U2SURP: variants seen among roughly 807,000 people sequenced by gnomAD.
U2SURP encodes U2 snRNP associated SURP domain containing, also known as U2 snRNP-associated SURP motif-containing protein.
In U2SURP, 9 loss-of-function variants were observed where a neutral mutation model predicts 144.9. That is an observed-to-expected ratio of 0.06 (90% confidence interval 0.04 to 0.11). The LOEUF is 0.11. Among genes scored for constraint, U2SURP ranks in the 10% least tolerant of loss-of-function variants. The pLI is 1.00. For missense variants in U2SURP, 724 were observed against 1,226.7 expected (o/e 0.59, Z 6.12); for synonymous variants, 408 against 396.8 (o/e 1.03, Z -0.33).
intron 24 of U2SURP, among the ~76,000 whole-genome samples, chr3:143,047,810 T>A (rs2108313400): frequency 1.1e-5 from 1 of 92,742 alleles, no homozygotes; most frequent in Non-Finnish European, 2.2e-5. Context: ...GGCTCCTCAC[T>A]TCCCAGTAGG....
At chr3:143,010,750 C>T (rs371991632) in intron 1 of U2SURP, 65 bp from the exon 2 acceptor site, 5 of 1,285,088 alleles carry the variant, frequency 3.9e-6, no homozygotes, top group Non-Finnish European at 5.4e-6. Flanking sequence ...TTGTATAACA[C>T]GAGAGACATG....
intron 2 of U2SURP, 90 bp downstream of exon 2, chr3:143,010,949 A>G (rs1578114460): frequency 2.1e-6 from 2 of 972,100 alleles, no homozygotes; most frequent in East Asian, 2.6e-5. Context: ...TACTTGACAA[A>G]TAAATACAAT....
chr3:143,007,433 C>G (rs745424362), intron 1 of U2SURP, among the ~76,000 whole-genome samples: 4 of 145,096 alleles, frequency 2.8e-5, no homozygotes, highest in African/African-American at 5.2e-5. Context: ...GCTTTTGGGT[C>G]CTTTCAAGAG....
chr3:143,003,106 G>T (rs1331206248), intron 1 of U2SURP, among the ~76,000 whole-genome samples: 1 of 152,156 alleles, frequency 6.6e-6, no homozygotes, highest in Non-Finnish European at 1.5e-5. Flanking sequence ...TGGATACATT[G>T]AAAACATTTC....
At position 143,059,717 on chromosome 3, in the gene U2SURP, G is replaced by T. The variant is rs1935299204; in HGVS notation, c.*3267G>T. The T allele has an allele frequency of 6.6e-6, 1 of 151,656 alleles. No homozygotes were observed. The highest frequency in any genetic ancestry group is 2.4e-5 in the African/African-American group (1 of 41,354). 9.4% of individuals were successfully genotyped at this position (151,656 alleles called of 1,614,324 possible). On this transcript the variant is annotated 3_prime_UTR_variant, in exon 28 of 28. Coordinates refer to ENST00000473835, the MANE Select transcript of U2SURP (RefSeq NM_001080415.2). ...TAAGACTGTACAGTTTACAAATAAG[G>T]TTTTTTTCTTTGTTGTTTTCCTCTT...
chr3:143,053,889 G>C (rs1935014393), intron 26 of U2SURP, 95 bp downstream of exon 26: 2 of 1,074,032 alleles, frequency 1.9e-6, no homozygotes, highest in South Asian at 4.1e-5. Context: ...CAAACTGGAA[G>C]TGTTTGTTCA....
At chr3:143,006,313 A>G (rs1436606910) in intron 1 of U2SURP, among the ~76,000 whole-genome samples, 2 of 152,216 alleles carry the variant, frequency 1.3e-5, no homozygotes, top group Non-Finnish European at 2.9e-5. Flanking sequence ...GCTGTTGTTA[A>G]TGAGTGGACA....
chr3:143,009,376 T>C (rs1936003908), intron 1 of U2SURP, among the ~76,000 whole-genome samples: 1 of 151,908 alleles, frequency 6.6e-6, no homozygotes, highest in African/African-American at 2.4e-5. Context: ...GGTGGACAGA[T>C]CACCTGAGGT....
At chr3:143,050,226 A>T (rs868350708) in intron 24 of U2SURP, among the ~76,000 whole-genome samples, 29 of 152,094 alleles carry the variant, frequency 1.9e-4, no homozygotes, top group Admixed American at 4.6e-4. Flanking sequence ...GGCATGTGCC[A>T]CCATGCCTGG....
intron 23 of U2SURP, among the ~76,000 whole-genome samples, chr3:143,040,689 C>A (rs1309021934): frequency 2.0e-5 from 3 of 151,644 alleles, no homozygotes; most frequent in African/African-American, 4.8e-5. Flanking sequence ...AAGATTTGAA[C>A]CTCGAATTGT....
intron 16 of U2SURP, among the ~76,000 whole-genome samples, chr3:143,029,979 A>G (rs939314258): frequency 3.3e-5 from 5 of 152,224 alleles, no homozygotes; most frequent in African/African-American, 1.2e-4. Context: ...ACAGGTGAGG[A>G]TGCTCCAGAA....
In U2SURP at chr3:143,032,892, A is replaced by T; in HGVS notation, c.1719A>T (p.Ile573=). 6.2e-7 allele frequency: 1 copy of T among 1,613,770 alleles called. No homozygotes were observed. The highest frequency in any genetic ancestry group is 8.5e-7 in the Non-Finnish European group (1 of 1,179,774). The change falls in exon 17 of 28, where the codon ATA becomes ATT. Residue 573 remains isoleucine (I), a synonymous_variant. Coordinates refer to ENST00000473835, the MANE Select transcript of U2SURP (RefSeq NM_001080415.2). ...CLNNAEAAEE[I]VDCITESLSI... ...ATAATGCTGAAGCTGCTGAAGAAAT[A>T]GTGGATTGCATTACTGAGTCGTTGT...
chr3:143,050,738 G>T lies in U2SURP; in HGVS notation c.2545-201G>T, dbSNP rs190678480. Among the ~76,000 whole-genome samples the T allele has an allele frequency of 1.5e-3, 232 of 152,248 alleles. 2 individuals carry two copies. Among genetic ancestry groups the T allele is most frequent in the South Asian group, 8.5e-3 (41 of 4,824 alleles). On this transcript the variant is annotated intron_variant, in intron 24 of 27. Coordinates refer to ENST00000473835, the MANE Select transcript of U2SURP (RefSeq NM_001080415.2). ...ATGAAGCACGGTTCACGGTTTTTGA[G>T]TCCTCTCATGACCAGAGAGGGTTCC...
chr3:143,049,213 C>A (rs1463654863), intron 24 of U2SURP, among the ~76,000 whole-genome samples: 1 of 142,602 alleles, frequency 7.0e-6, no homozygotes, highest in African/African-American at 2.6e-5. Flanking sequence ...TTGCAGCGAG[C>A]CGAGATTGTG....
In U2SURP at chr3:143,059,350, C is replaced by G. The variant is rs1409504776; in HGVS notation, c.*2900C>G. 6.6e-6 allele frequency: 1 copy of G among 152,236 alleles called. No homozygotes were observed. The highest frequency in any genetic ancestry group is 1.5e-5 in the Non-Finnish European group (1 of 67,806). 9.4% of individuals were successfully genotyped at this position (152,236 alleles called of 1,614,324 possible). On this transcript the variant is annotated 3_prime_UTR_variant, in exon 28 of 28. Coordinates refer to ENST00000473835, the MANE Select transcript of U2SURP (RefSeq NM_001080415.2). ...GTGGGCTTACCCTGAGACTTTTATC[C>G]CAATTAGTGAATCTTGGAGGGAATA...
At chr3:143,042,940 TTGTC>T (rs1178263175) in intron 23 of U2SURP, among the ~76,000 whole-genome samples, 173 bp from the exon 24 acceptor site, 8 of 152,326 alleles carry the variant, frequency 5.3e-5, no homozygotes, top group South Asian at 2.1e-4. Context: ...TTTTATAAAA[TTGTC>T]TGTAAAATAT....
In U2SURP at chr3:143,033,256, C is replaced by A; in HGVS notation, c.1774-15C>A. 2 of 1,471,464 alleles carry A rather than the reference C, an allele frequency of 1.4e-6. No homozygotes were observed. Among genetic ancestry groups the A allele is most frequent in the Non-Finnish European group, 1.9e-6 (2 of 1,077,184 alleles). The allele number at this position is 1,471,464 out of a possible 1,614,324, so 91.2% of individuals were successfully genotyped here. ...CTTATATTAACCTATTTTGTGTTAT[C>A]TTTTGATATTATAGATTGCCAGATT... On this transcript the variant is annotated splice_polypyrimidine_tract_variant and intron_variant, in intron 17 of 27. Coordinates refer to ENST00000473835, the MANE Select transcript of U2SURP (RefSeq NM_001080415.2).
chr3:143,014,444 A>C (rs1175978088), intron 4 of U2SURP, 35 bp downstream of exon 4: 2 of 1,433,122 alleles, frequency 1.4e-6, no homozygotes, highest in African/African-American at 2.8e-5. Context: ...TTATCCTTGG[A>C]AATGAATGTG....
At chr3:143,006,734 C>T (rs1935853356) in intron 1 of U2SURP, among the ~76,000 whole-genome samples, 1 of 152,112 alleles carries the variant, frequency 6.6e-6, no homozygotes, top group African/African-American at 2.4e-5. Flanking sequence ...AAGAGCGAAA[C>T]TCCGTCTCAA....
Sources: gnomAD v4.1 joint callset for allele counts (sites outside exome capture counted in the v4.1 genomes callset) on GRCh38, gnomAD v4.1.1 for gene constraint, MANE v1.5 for transcripts, NCBI Gene and HGNC (gene_info 2026-07-23, HGNC 2026-07-21) for gene names.